Variants in CELF4 observed in about 807,000 individuals in gnomAD.
The protein encoded by CELF4 is CUGBP Elav-like family member 4, also known as CUG-BP- and ETR-3-like factor 4.
CELF4 carries 18 observed loss-of-function variants against 59.9 expected under a neutral mutation model. That is an observed-to-expected ratio of 0.30 (90% CI 0.21 to 0.45). The LOEUF (loss-of-function observed/expected upper bound fraction) is 0.45. Among genes scored for constraint, CELF4 ranks in the 20% least tolerant of loss-of-function variants. The probability of loss-of-function intolerance (pLI) is 1.00; values close to 1 mark genes in which losing one functional copy is unlikely to be tolerated. For missense variants in CELF4, 456 were observed against 689.0 expected (o/e 0.66, Z 3.79); for synonymous variants, 261 against 267.1 (o/e 0.98, Z 0.22).
chr18:37,298,575 C>A (rs910164855), intron 3 of CELF4, among the ~76,000 whole-genome samples: 2 of 152,066 alleles, frequency 1.3e-5, no homozygotes, highest in Non-Finnish European at 2.9e-5. Flanking sequence ...ACTAAAAATA[C>A]AAAAATTAGC....
chr18:37,278,656 A>T (rs1364371029), intron 3 of CELF4, among the ~76,000 whole-genome samples: 1 of 152,226 alleles, frequency 6.6e-6, no homozygotes, highest in Non-Finnish European at 1.5e-5. Flanking sequence ...TTCTCCGTGC[A>T]GGAGGAAGAG....
intron 2 of CELF4, among the ~76,000 whole-genome samples, chr18:37,472,166 T>G (rs2099835061): frequency 6.6e-6 from 1 of 152,196 alleles, no homozygotes; most frequent in Non-Finnish European, 1.5e-5. Flanking sequence ...AACAAACACC[T>G]CTTGTGGGGG....
intron 2 of CELF4, among the ~76,000 whole-genome samples, chr18:37,385,794 G>A (rs767218919): frequency 6.6e-6 from 1 of 152,212 alleles, no homozygotes; most frequent in Non-Finnish European, 1.5e-5. Flanking sequence ...CTGCTCCACA[G>A]TACCTGGCAG....
intron 1 of CELF4, among the ~76,000 whole-genome samples, chr18:37,489,303 C>G (rs1367048052): frequency 6.6e-6 from 1 of 152,232 alleles, no homozygotes; most frequent in Admixed American, 6.5e-5. Flanking sequence ...CCAGTCTGCT[C>G]CCTGGCTGAG....
At chr18:37,505,342 C>T (rs575844225) in intron 1 of CELF4, among the ~76,000 whole-genome samples, 6 of 152,308 alleles carry the variant, frequency 3.9e-5, no homozygotes, top group South Asian at 2.1e-4. Context: ...TTTGCATCTC[C>T]GCTTAGATTC....
intron 10 of CELF4, among the ~76,000 whole-genome samples, chr18:37,263,896 C>T (rs192912166): frequency 8.0e-4 from 122 of 152,230 alleles, no homozygotes; most frequent in Admixed American, 6.5e-4. Flanking sequence ...ACTCATCTCC[C>T]TCTCTCATTC....
At chr18:37,328,986 A>AT (rs1379449390) in intron 2 of CELF4, among the ~76,000 whole-genome samples, 13 of 152,172 alleles carry the variant, frequency 8.5e-5, no homozygotes, top group Admixed American at 5.9e-4. Context: ...TTGTCGTGGT[A>AT]TTTTTTTTAT....
chr18:37,552,882 G>A (rs1249618241), intron 1 of CELF4, among the ~76,000 whole-genome samples: 3 of 152,214 alleles, frequency 2.0e-5, no homozygotes. Flanking sequence ...CTTCAGGAGT[G>A]TGATCTCTTG....
chr18:37,392,895 C>T (rs2099180988), intron 2 of CELF4, among the ~76,000 whole-genome samples: 2 of 152,198 alleles, frequency 1.3e-5, no homozygotes, highest in African/African-American at 2.4e-5. Flanking sequence ...TTATCAGCGC[C>T]TACATTGATA....
At chr18:37,295,151 C>G (rs1019848898) in intron 3 of CELF4, among the ~76,000 whole-genome samples, 2 of 152,200 alleles carry the variant, frequency 1.3e-5, no homozygotes, top group African/African-American at 4.8e-5. Context: ...CCTGAAAGCA[C>G]CAGTCCCTGG....
intron 3 of CELF4, among the ~76,000 whole-genome samples, chr18:37,319,304 C>T (rs773394583): frequency 2.1e-4 from 32 of 152,236 alleles, no homozygotes; most frequent in East Asian, 3.9e-4. Context: ...ACATGGGCTT[C>T]GCTCACGTGG....
At chr18:37,451,230 A>T (rs2099762831) in intron 2 of CELF4, among the ~76,000 whole-genome samples, 1 of 152,206 alleles carries the variant, frequency 6.6e-6, no homozygotes, top group Non-Finnish European at 1.5e-5. Context: ...CAATGGGGAC[A>T]GGCCCATTGT....
At chr18:37,409,796 A>ATGGGTTTCTTGCTT (rs2099420227) in intron 2 of CELF4, among the ~76,000 whole-genome samples, 2 of 152,118 alleles carry the variant, frequency 1.3e-5, no homozygotes, top group African/African-American at 4.8e-5. Context: ...CTGTTTACAG[A>ATGGGTTTCTTGCTT]TGGGTTTCTT....
intron 2 of CELF4, among the ~76,000 whole-genome samples, chr18:37,389,289 C>T (rs2099131908): frequency 6.6e-6 from 1 of 152,172 alleles, no homozygotes; most frequent in African/African-American, 2.4e-5. Flanking sequence ...CCCTGGGCCT[C>T]CCTAGATCAG....
chr18:37,385,273 T>G (rs536406349), intron 2 of CELF4, among the ~76,000 whole-genome samples: 1 of 145,246 alleles, frequency 6.9e-6, no homozygotes, highest in South Asian at 2.1e-4. Context: ...TCGAATCGCT[T>G]GAACTCGGGA....
intron 1 of CELF4, among the ~76,000 whole-genome samples, chr18:37,560,981 C>A (rs1419953093): frequency 6.6e-6 from 1 of 152,192 alleles, no homozygotes; most frequent in East Asian, 1.9e-4. Context: ...AGCTAAACCC[C>A]AAATCAAGGG....
At chr18:37,318,122 G>A (rs2096931633) in intron 3 of CELF4, among the ~76,000 whole-genome samples, 1 of 152,190 alleles carries the variant, frequency 6.6e-6, no homozygotes, top group African/African-American at 2.4e-5. Context: ...TGGGTGTCCT[G>A]TGTCCTCTGG....
rs1384176932 is a variant in CELF4 at position 37,253,498 on chromosome 18, G to A, written c.*44+269C>T. On this transcript the variant is annotated intron_variant, in intron 12 of 12. Coordinates refer to ENST00000420428, the MANE Select transcript of CELF4 (RefSeq NM_020180.4). This position sits in a 1 kb window ranked among gnomAD's most constrained non-coding sequence, Gnocchi z 4.5. ...GGACTGCCAATGTAGACCCGGAGGC[G>A]CAGGCCCAGGGCTCGCCTCACCCGC... is the stretch of plus-strand genomic sequence containing the variant. Among the ~76,000 whole-genome samples the A allele has an allele frequency of 1.3e-5, 2 of 152,204 alleles. No homozygotes were observed. The highest frequency in any genetic ancestry group is 2.9e-5 in the Non-Finnish European group (2 of 68,034).
At position 37,275,201 on chromosome 18, in the gene CELF4, G is replaced by A; in HGVS notation, c.491C>T (p.Ser164Phe). The change falls in exon 4 of 13, where the codon TCC (serine) becomes TTC (phenylalanine). Residue 164 changes from serine (S) to phenylalanine (F), a missense_variant. By Grantham distance (155) the Ser-to-Phe change is radical (BLOSUM62 -2). Around this residue, in one of 7 missense-constraint regions of CELF4, gnomAD observed 56 missense variants for 92.0 expected, o/e 0.61. Transcript: ENST00000420428. ...GAAAAGGCGGCGCACGTCGTCCTCG[G>A]ACTGTTGCTTGTTGAGCATGCCCAC... Reference protein sequence around the residue: ...LFVGMLNKQQSEDDVRRLFEA... With the variant: ...LFVGMLNKQQFEDDVRRLFEA... The A allele has an allele frequency of 6.2e-7, 1 of 1,613,690 alleles. No homozygotes were observed. Among genetic ancestry groups the A allele is most frequent in the Non-Finnish European group, 8.5e-7 (1 of 1,179,868 alleles).
Sources: gnomAD v4.1 joint callset for allele counts (sites outside exome capture counted in the v4.1 genomes callset) on GRCh38, gnomAD v4.1.1 for gene constraint, gnomAD v4.1.1 regional missense constraint, Gnocchi (gnomAD v3.1) non-coding constraint, MANE v1.5 for transcripts, NCBI Gene and HGNC (gene_info 2026-07-23, HGNC 2026-07-21) for gene names.